Variants in CEMIP observed in about 807,000 individuals in gnomAD.
The protein encoded by CEMIP is cell migration inducing hyaluronidase 1, also known as cell migration-inducing and hyaluronan-binding protein.
Under a neutral mutation model 156.9 loss-of-function variants are expected in CEMIP, and 105 were observed. That is an observed-to-expected ratio of 0.67 (90% CI 0.57 to 0.79). The LOEUF (loss-of-function observed/expected upper bound fraction) is 0.79. Among genes scored for constraint, CEMIP ranks in the 30% least tolerant of loss-of-function variants. The pLI, the probability that CEMIP is intolerant of heterozygous loss-of-function variation, is 0.00. For synonymous variants in CEMIP, 676 were observed against 668.4 expected, an observed-to-expected ratio of 1.01 and a Z score of -0.17; for missense variants, 1,457 against 1,769.4, an observed-to-expected ratio of 0.82 and a Z score of 3.17.
intron 12 of CEMIP, chr15:80,900,917 C>T (rs1248534961): frequency 4.4e-6 from 2 of 455,554 alleles, no homozygotes; most frequent in Admixed American, 2.4e-5. Context: ...TTCCTCATTG[C>T]TCCCAGATTT....
Position 80,854,524 on chromosome 15 carries a change from T to C in CEMIP, c.-175-19014T>C, listed in dbSNP as rs184863642. On this transcript the variant is annotated intron_variant, in intron 1 of 29. Transcript: ENST00000394685. ...AGGGCAAGACTCTTTCAAAAGTATT[T>C]CTTGAGCATCCACATTTGTTTTCAG... Among the ~76,000 whole-genome samples, 4 of 152,356 alleles carry C rather than the reference T, an allele frequency of 2.6e-5. No homozygotes were observed. In the East Asian group the frequency reaches 7.7e-4, roughly 29 times the overall value.
chr15:80,922,307 C>T (rs774308630), intron 17 of CEMIP, among the ~76,000 whole-genome samples, 170 bp downstream of exon 17: 2 of 152,234 alleles, frequency 1.3e-5, no homozygotes, highest in Admixed American at 6.5e-5. Context: ...GGCCATTGGC[C>T]ACATTCTTCA....
At chr15:80,835,961 TGTTAA>T (rs901957713) in intron 1 of CEMIP, among the ~76,000 whole-genome samples, 1 of 151,844 alleles carries the variant, frequency 6.6e-6, no homozygotes, top group Non-Finnish European at 1.5e-5. Context: ...TTTTTTTAAA[TGTTAA>T]GTTTTTTGGT....
At chr15:80,847,948 C>T (rs537100536) in intron 1 of CEMIP, among the ~76,000 whole-genome samples, 35 of 152,312 alleles carry the variant, frequency 2.3e-4, no homozygotes, top group Non-Finnish European at 1.9e-4. Context: ...GGTGAAGTCA[C>T]GATGCACAGC....
chr15:80,905,982 C>G (rs1899784982), intron 12 of CEMIP, among the ~76,000 whole-genome samples: 1 of 152,182 alleles, frequency 6.6e-6, no homozygotes, highest in South Asian at 2.1e-4. Flanking sequence ...TGCAGAAGCT[C>G]CAATCTGGCT....
At chr15:80,937,042 A>C (rs1208333018) in intron 24 of CEMIP, among the ~76,000 whole-genome samples, 157 bp downstream of exon 24, 1 of 152,238 alleles carries the variant, frequency 6.6e-6, no homozygotes, top group African/African-American at 2.4e-5. Context: ...TTAAGAATTA[A>C]AGGACACAGG....
intron 1 of CEMIP, among the ~76,000 whole-genome samples, chr15:80,826,119 G>A (rs971804136): frequency 2.0e-5 from 3 of 152,172 alleles, no homozygotes; most frequent in African/African-American, 7.2e-5. Flanking sequence ...ATGCTAGGCT[G>A]CTTTATGCAT....
At chr15:80,850,758 G>T (rs1240488263) in intron 1 of CEMIP, among the ~76,000 whole-genome samples, 1 of 152,172 alleles carries the variant, frequency 6.6e-6, no homozygotes, top group Non-Finnish European at 1.5e-5. Context: ...AGGTCTGTCA[G>T]CTCACCCCCT....
At position 80,880,952 on chromosome 15, in the gene CEMIP, G is replaced by A. The variant is rs1190444271; in HGVS notation, c.433G>A (p.Val145Ile). ...DPYYGLKYIG[V>I]GKGGALELHG... ...TTACTATGGTCTGAAGTACATTGGG[G>A]TTGGTAAAGGAGGCGCTCTTGAGTT... The change falls in exon 6 of 30, where the codon GTT becomes ATT. Residue 145 changes from valine to isoleucine, a missense_variant. Val to Ile is a conservative substitution (Grantham distance 29, BLOSUM62 3). Transcript: ENST00000394685. The A allele has an allele frequency of 1.2e-6, 2 of 1,614,104 alleles. No homozygotes were observed. The highest frequency in any genetic ancestry group is 1.6e-4 in the Middle Eastern group (1 of 6,084).
chr15:80,808,703 C>G (rs1052508488), intron 1 of CEMIP, among the ~76,000 whole-genome samples: 4 of 151,374 alleles, frequency 2.6e-5, no homozygotes, highest in African/African-American at 9.7e-5. Context: ...GTAGCATCTG[C>G]TTTGAACACT....
intron 3 of CEMIP, among the ~76,000 whole-genome samples, chr15:80,874,870 G>A (rs1898418014): frequency 2.0e-5 from 3 of 152,088 alleles, no homozygotes; most frequent in Non-Finnish European, 4.4e-5. Context: ...TGAGTTTGAT[G>A]CTTTTCTATA....
At chr15:80,909,445 A>C in intron 14 of CEMIP, 139 bp downstream of exon 14, 1 of 866,974 alleles carries the variant, frequency 1.2e-6, no homozygotes, top group South Asian at 1.4e-5. Flanking sequence ...AAAGATATCA[A>C]CTGGGAGCAG....
Position 80,920,107 on chromosome 15 carries a change from T to A in CEMIP, c.1811T>A (p.Val604Glu). 1.2e-6 allele frequency: 2 copies of A among 1,614,242 alleles called. No homozygotes were observed. The highest frequency in any genetic ancestry group is 1.7e-6 in the Non-Finnish European group (2 of 1,180,048). Reference sequence around the variant, plus strand: ...TGACCCCTGCAGATCAAGGACGTTGTGGGCTATAACTCTTTGGGCCACTGC... The same window carrying A: ...TGACCCCTGCAGATCAAGGACGTTGAGGGCTATAACTCTTTGGGCCACTGC... ...GSNGLLIKDV[V>E]GYNSLGHCFF... Residue 604 changes from valine (V) to glutamate (E), a missense_variant, in exon 15 of 30, where the codon GTG becomes GAG. By Grantham distance (121) the Val-to-Glu change is moderately radical (BLOSUM62 -2). This residue lies in a region of CEMIP where 53 missense variants were observed against 104.5 expected (regional missense o/e 0.51). Coordinates refer to ENST00000394685, the MANE Select transcript of CEMIP (RefSeq NM_001293298.2).
intron 1 of CEMIP, among the ~76,000 whole-genome samples, chr15:80,786,612 G>A (rs1352573196): frequency 6.9e-6 from 1 of 145,438 alleles, no homozygotes; most frequent in Non-Finnish European, 1.5e-5. Flanking sequence ...ACAATTTTCA[G>A]TGAAAATTGA....
intron 23 of CEMIP, among the ~76,000 whole-genome samples, chr15:80,935,889 C>T (rs10220819): frequency 0.013 from 1,969 of 152,266 alleles, 41 homozygotes; most frequent in African/African-American, 0.045. Flanking sequence ...CAAGCATGTG[C>T]CACCATGCCC....
intron 1 of CEMIP, among the ~76,000 whole-genome samples, chr15:80,860,310 T>C (rs558699971): frequency 1.3e-5 from 2 of 152,342 alleles, no homozygotes; most frequent in South Asian, 4.1e-4. Context: ...TCCAGGTGTG[T>C]ATGGTGTGGC....
At chr15:80,834,922 A>C (rs1477589019) in intron 1 of CEMIP, among the ~76,000 whole-genome samples, 1 of 152,146 alleles carries the variant, frequency 6.6e-6, no homozygotes, top group Non-Finnish European at 1.5e-5. Flanking sequence ...GCCTTTGAAA[A>C]TTTGTCTCTT....
intron 1 of CEMIP, among the ~76,000 whole-genome samples, chr15:80,786,554 T>C (rs1381285771): frequency 2.3e-5 from 2 of 86,462 alleles, no homozygotes; most frequent in South Asian, 1.0e-3. Context: ...CTGGATGTCT[T>C]GCTGTGTGTG....
chr15:80,844,513 G>T (rs779250092), intron 1 of CEMIP, among the ~76,000 whole-genome samples: 1 of 152,168 alleles, frequency 6.6e-6, no homozygotes, highest in Admixed American at 6.5e-5. Flanking sequence ...TGCCTCCATG[G>T]TAGGACTGTG....
Sources: allele counts gnomAD v4.1 joint callset (sites outside exome capture counted in the v4.1 genomes callset), GRCh38; gene constraint gnomAD v4.1.1; regional missense constraint gnomAD v4.1.1; transcripts MANE v1.5; gene names NCBI Gene and HGNC (gene_info 2026-07-23, HGNC 2026-07-21).